The following KIAA1958 variants were observed in gnomAD, a reference collection of about 807,000 sequenced individuals.
The protein encoded by KIAA1958 is KIAA1958.
KIAA1958 carries 14 observed loss-of-function variants against 47.2 expected under a neutral mutation model. The observed-to-expected ratio is 0.30, with a 90% CI of 0.20 to 0.46. The LOEUF (loss-of-function observed/expected upper bound fraction) is 0.46. KIAA1958 is among the 20% of genes least tolerant of loss of function. The pLI, the probability that KIAA1958 is intolerant of heterozygous loss-of-function variation, is 1.00. For synonymous variants in KIAA1958, 354 were observed against 353.3 expected, an observed-to-expected ratio of 1.00 and a Z score of -0.02; for missense variants, 803 against 909.2, an observed-to-expected ratio of 0.88 and a Z score of 1.50.
chr9:112,518,306 A>G (rs993654495), intron 1 of KIAA1958, among the ~76,000 whole-genome samples: 2 of 152,280 alleles, frequency 1.3e-5, no homozygotes, highest in African/African-American at 4.8e-5. Context: ...AAAGCTGGAA[A>G]CAATCCAAAT....
intron 2 of KIAA1958, among the ~76,000 whole-genome samples, chr9:112,597,902 A>G (rs1836060822): frequency 6.6e-6 from 1 of 152,216 alleles, no homozygotes; most frequent in African/African-American, 2.4e-5. Context: ...AATATTAACT[A>G]ATGAGTGCCT....
At chr9:112,648,945 A>G (rs1262919576) in intron 3 of KIAA1958, among the ~76,000 whole-genome samples, 1 of 152,224 alleles carries the variant, frequency 6.6e-6, no homozygotes, top group Non-Finnish European at 1.5e-5. Context: ...AGACAAGGAC[A>G]TTAAAACAGT....
In KIAA1958 at chr9:112,659,255, C is replaced by T; in HGVS notation, c.1345-8C>T. The T allele has an allele frequency of 6.2e-7, 1 of 1,604,888 alleles. No individual in the cohort carries two copies. Among genetic ancestry groups the T allele is most frequent in the Non-Finnish European group, 8.5e-7 (1 of 1,174,860 alleles). On this transcript the variant is annotated splice_polypyrimidine_tract_variant and splice_region_variant and intron_variant, in intron 3 of 3. Coordinates refer to ENST00000337530, the MANE Select transcript of KIAA1958 (RefSeq NM_133465.4). ...AAGTGTGTAACCTCCGTGTTTGTCT[C>T]ATTTGAGATCCCTGCAGTGAAGTTG...
chr9:112,559,038 G>A (rs1448789715), intron 1 of KIAA1958, among the ~76,000 whole-genome samples: 1 of 152,206 alleles, frequency 6.6e-6, no homozygotes, highest in East Asian at 1.9e-4. Context: ...CTTCAGAAGT[G>A]TAGCAGCAAT....
At chr9:112,559,013 AT>A (rs1835286413) in intron 1 of KIAA1958, among the ~76,000 whole-genome samples, 1 of 152,216 alleles carries the variant, frequency 6.6e-6, no homozygotes, top group Non-Finnish European at 1.5e-5. Flanking sequence ...TGCATGTTTC[AT>A]CTTTTTCTAC....
At chr9:112,540,234 G>C (rs889101885) in intron 1 of KIAA1958, among the ~76,000 whole-genome samples, 1 of 152,120 alleles carries the variant, frequency 6.6e-6, no homozygotes, top group Non-Finnish European at 1.5e-5. Context: ...AGAGGGATTC[G>C]AGGGGAAGGA....
At chr9:112,608,648 G>A (rs1037392261) in intron 2 of KIAA1958, among the ~76,000 whole-genome samples, 4 of 151,976 alleles carry the variant, frequency 2.6e-5, no homozygotes, top group Non-Finnish European at 5.9e-5. Flanking sequence ...AAAGTTAATC[G>A]GGCATGGTGT....
chr9:112,506,745 T>C (rs1299565122), intron 1 of KIAA1958, among the ~76,000 whole-genome samples: 5 of 152,116 alleles, frequency 3.3e-5, no homozygotes, highest in African/African-American at 9.7e-5. Flanking sequence ...TAAATGCAGA[T>C]AGAGTCTGCA....
chr9:112,543,190 C>A (rs1834971883), intron 1 of KIAA1958, among the ~76,000 whole-genome samples: 1 of 151,602 alleles, frequency 6.6e-6, no homozygotes, highest in South Asian at 2.1e-4. Flanking sequence ...CTGCCAGTAA[C>A]AACCCAAATT....
chr9:112,530,457 C>G lies in KIAA1958; in HGVS notation c.-25+43339C>G, dbSNP rs180929084. ...TATAAATAATTTTGCCTCTGATTTT[C>G]TACAGAATTTGAAAATACTTTGATG... On this transcript the variant is annotated intron_variant, in intron 1 of 3. Coordinates refer to ENST00000337530, the MANE Select transcript of KIAA1958 (RefSeq NM_133465.4). 3.1e-3 allele frequency among the ~76,000 whole-genome samples: 479 copies of G among 152,218 alleles called. 2 individuals carry two copies. Among genetic ancestry groups the G allele is most frequent in the Non-Finnish European group, 3.9e-3 (268 of 68,004 alleles).
chr9:112,526,735 A>G (rs577511546), intron 1 of KIAA1958, among the ~76,000 whole-genome samples: 73 of 152,298 alleles, frequency 4.8e-4, no homozygotes, highest in African/African-American at 1.7e-3. Context: ...AATCACACCC[A>G]TGAAGGTGGA....
chr9:112,546,113 G>T (rs1176413979), intron 1 of KIAA1958, among the ~76,000 whole-genome samples: 1 of 152,134 alleles, frequency 6.6e-6, no homozygotes, highest in East Asian at 1.9e-4. Flanking sequence ...AGGTCATAAA[G>T]ACCCCACTGA....
chr9:112,623,675 TA>T (rs1332877248), intron 2 of KIAA1958, among the ~76,000 whole-genome samples: 2 of 152,182 alleles, frequency 1.3e-5, no homozygotes, highest in African/African-American at 2.4e-5. Context: ...TGTGTCACTC[TA>T]AAAAACACCT....
intron 2 of KIAA1958, among the ~76,000 whole-genome samples, chr9:112,635,249 T>C (rs963453640): frequency 6.7e-6 from 1 of 149,856 alleles, no homozygotes; most frequent in Non-Finnish European, 1.5e-5. Flanking sequence ...TGTGTGTGTG[T>C]GTGTGTGTGT....
chr9:112,547,435 T>C, intron 1 of KIAA1958, among the ~76,000 whole-genome samples: 1 of 151,436 alleles, frequency 6.6e-6, no homozygotes, highest in Non-Finnish European at 1.5e-5. Context: ...AACGGACCCC[T>C]TTTCTGGGAC....
intron 1 of KIAA1958, among the ~76,000 whole-genome samples, chr9:112,495,835 A>G (rs957646192): frequency 6.6e-6 from 1 of 152,222 alleles, no homozygotes; most frequent in Non-Finnish European, 1.5e-5. Flanking sequence ...CTAGTTGGAC[A>G]TTAGCAAGCA....
At chr9:112,630,410 C>T (rs1176536916) in intron 2 of KIAA1958, among the ~76,000 whole-genome samples, 2 of 152,116 alleles carry the variant, frequency 1.3e-5, no homozygotes, top group Non-Finnish European at 2.9e-5. Flanking sequence ...TTTGGAAGGC[C>T]AAGGCAGGAG....
rs1836049454 is a variant in KIAA1958, at chr9:112,597,345, T to TC, written c.1171+22096dup. Among the ~76,000 whole-genome samples the TC allele has an allele frequency of 4.6e-5, 7 of 152,198 alleles. No individual in the cohort carries two copies. The South Asian group carries it at 1.4e-3, about 31-fold the overall frequency. On this transcript the variant is annotated intron_variant, in intron 2 of 3. Transcript: ENST00000337530. The stretch of plus-strand genomic sequence containing the variant: ...CTCTGAAGATAGGACTATAATTAAC[T>TC]CCATTTCACAGATAAAGAAACTAAG...
intron 1 of KIAA1958, among the ~76,000 whole-genome samples, chr9:112,548,800 C>G (rs1243332549): frequency 1.3e-5 from 2 of 152,100 alleles, no homozygotes; most frequent in Non-Finnish European, 2.9e-5. Flanking sequence ...GAGATAAGGT[C>G]CTTAAAAAGG....
Sources: allele counts gnomAD v4.1 joint callset (sites outside exome capture counted in the v4.1 genomes callset), GRCh38; gene constraint gnomAD v4.1.1; transcripts MANE v1.5; gene names NCBI Gene and HGNC (gene_info 2026-07-23, HGNC 2026-07-21).